RIMBP2: variants seen among roughly 807,000 people sequenced by gnomAD.
RIMBP2 encodes RIMS-binding protein 2.
RIMBP2 carries 48 observed loss-of-function variants against 118.6 expected under a neutral mutation model. The ratio of observed to expected loss-of-function variants is 0.40; its 90% CI spans 0.32 to 0.51. The LOEUF (loss-of-function observed/expected upper bound fraction) is 0.51, where lower values mean the gene tolerates loss of function less well. Ranked by LOEUF, RIMBP2 falls within the 20% of genes least tolerant of loss-of-function variation. RIMBP2 has a pLI of 0.41. For missense variants in RIMBP2, 1,551 were observed against 1,768.3 expected, an observed-to-expected ratio of 0.88 and a Z score of 2.20; for synonymous variants, 762 against 742.9, an observed-to-expected ratio of 1.03 and a Z score of -0.42.
chr12:130,502,500 C>T (rs1256401322), intron 4 of RIMBP2, among the ~76,000 whole-genome samples: 2 of 151,998 alleles, frequency 1.3e-5, no homozygotes, highest in African/African-American at 4.8e-5. Flanking sequence ...CATCCCAGGC[C>T]CTCTGCACTC....
chr12:130,487,356 C>T (rs748355591), intron 4 of RIMBP2, among the ~76,000 whole-genome samples: 1 of 152,168 alleles, frequency 6.6e-6, no homozygotes, highest in Non-Finnish European at 1.5e-5. Context: ...GCTTGGTGCC[C>T]TCCCCATAGC....
intron 4 of RIMBP2, among the ~76,000 whole-genome samples, chr12:130,501,412 T>A (rs971838114): frequency 6.6e-6 from 1 of 152,170 alleles, no homozygotes; most frequent in Non-Finnish European, 1.5e-5. Context: ...ACTCCCTGCA[T>A]CTGAGGTAGG....
In RIMBP2 at chr12:130,620,273, G is replaced by A. The variant is rs972035112; in HGVS notation, c.-217+8049C>T. Among the ~76,000 whole-genome samples the A allele has an allele frequency of 2.0e-5, 3 of 152,124 alleles. No individual in the cohort carries two copies. Among genetic ancestry groups the A allele is most frequent in the Non-Finnish European group, 2.9e-5 (2 of 68,014 alleles). On this transcript the variant is annotated intron_variant, in intron 2 of 22. Transcript: ENST00000690449. This position sits in a 1 kb window ranked among gnomAD's most constrained non-coding sequence, Gnocchi z 5.3. ...CAGAGGGACCCAAGGACAAAAAAAA[G>A]AACCAGCAGCCAGAGCATGTCTCCC...
At chr12:130,423,382 C>T (rs781023449) in intron 16 of RIMBP2, among the ~76,000 whole-genome samples, 19 of 152,324 alleles carry the variant, frequency 1.2e-4, no homozygotes, top group East Asian at 3.9e-4. Context: ...GTGGGCCCAT[C>T]GCAAGCACAC....
chr12:130,434,297 C>T lies in RIMBP2; in HGVS notation c.2253+437G>A, dbSNP rs140757836. ...GTCTTCCTCATGAGCCCAGCTCTGC[C>T]GTTTTGCTGTTCTGAAGGACGAACA... On this transcript the variant is annotated intron_variant, in intron 14 of 22. Coordinates refer to ENST00000690449, the MANE Select transcript of RIMBP2 (RefSeq NM_001393629.1). The surrounding 1 kb of genome is among the most constrained non-coding windows in gnomAD (Gnocchi z 5.7). Among the ~76,000 whole-genome samples the T allele has an allele frequency of 6.6e-6, 1 of 152,290 alleles. No homozygotes were observed. Among genetic ancestry groups the T allele is most frequent in the African/African-American group, 2.4e-5 (1 of 41,554 alleles).
intron 2 of RIMBP2, among the ~76,000 whole-genome samples, chr12:130,544,059 C>G (rs2054863086): frequency 6.6e-6 from 1 of 152,218 alleles, no homozygotes; most frequent in East Asian, 1.9e-4. Flanking sequence ...GAGAATCTTA[C>G]ATAGCCTGGA....
Position 130,440,229 on chromosome 12 carries a change from T to C in RIMBP2, c.1504+1619A>G, listed in dbSNP as rs541445151. Among the ~76,000 whole-genome samples, 6 of 146,586 alleles carry C rather than the reference T, an allele frequency of 4.1e-5. No individual in the cohort carries two copies. The East Asian group carries it at 1.2e-3, about 30-fold the overall frequency. ...GTACCTGCACCACCGTCCCCGGGCA[T>C]GGCTAACCCTGGCCGTACCTGCACC... is the stretch of plus-strand genomic sequence containing the variant. On this transcript the variant is annotated intron_variant, in intron 11 of 22. Coordinates refer to ENST00000690449, the MANE Select transcript of RIMBP2 (RefSeq NM_001393629.1).
intron 1 of RIMBP2, among the ~76,000 whole-genome samples, chr12:130,644,053 G>T (rs957393234): frequency 1.3e-5 from 2 of 152,226 alleles, no homozygotes; most frequent in Non-Finnish European, 2.9e-5. Flanking sequence ...CTGGAGCCCA[G>T]GCAGCCACCC....
intron 1 of RIMBP2, among the ~76,000 whole-genome samples, chr12:130,656,396 T>G (rs1351686567): frequency 6.6e-6 from 1 of 152,186 alleles, no homozygotes; most frequent in African/African-American, 2.4e-5. Context: ...AGAGAAGCTT[T>G]CCCTTTCATG....
At chr12:130,415,872 A>C (rs920692249) in intron 17 of RIMBP2, among the ~76,000 whole-genome samples, 5 of 152,224 alleles carry the variant, frequency 3.3e-5, no homozygotes, top group Admixed American at 3.3e-4. Flanking sequence ...ATACAAAATC[A>C]ATGTATAAAA....
Position 130,414,310 on chromosome 12 carries a change from C to T in RIMBP2, c.3239-4G>A, listed in dbSNP as rs1156821479. 8.9e-6 allele frequency: 14 copies of T among 1,574,268 alleles called. No individual in the cohort carries two copies. The highest frequency in any genetic ancestry group is 2.7e-5 in the African/African-American group (2 of 73,974). ...AGGCGGTCTCGCCCGTAATCGTCTG[C>T]GAGCAAGTGGGGGTGAAGAACAGAG... On this transcript the variant is annotated splice_region_variant and splice_polypyrimidine_tract_variant and intron_variant, in intron 17 of 22. Transcript: ENST00000690449.
chr12:130,615,300 T>TATATATATATAC (rs1367996306), intron 2 of RIMBP2, among the ~76,000 whole-genome samples: 3 of 140,844 alleles, frequency 2.1e-5, no homozygotes, highest in Non-Finnish European at 3.1e-5. Context: ...TATATATGTG[T>TATATATATATAC]ACACACAAAC....
rs2076657484 is a variant in RIMBP2, at chr12:130,424,665, G to A, written c.2606C>T (p.Pro869Leu). 8.1e-7 allele frequency: 1 copy of A among 1,231,912 alleles called. No homozygotes were observed. Among genetic ancestry groups the A allele is most frequent in the Non-Finnish European group, 1.0e-6 (1 of 987,870 alleles). 76.3% of individuals were successfully genotyped at this position (1,231,912 alleles called of 1,614,324 possible). The change falls in exon 16 of 23, where the codon CCC becomes CTC. Residue 869 changes from proline to leucine, a missense_variant. Physicochemically the swap from Pro to Leu is moderately conservative, Grantham distance 98. Transcript: ENST00000690449. This position sits in a 1 kb window ranked among gnomAD's most constrained non-coding sequence, Gnocchi z 9.8. ...CTCGTCGCCCCTGTAGGGCCTGCCG[G>A]GCCTGGGCTCTCTGGCCAGCCCCGT... is the stretch of plus-strand genomic sequence containing the variant. The part of the protein sequence containing the change: ...ARTGLAREPR[P>L]GRPYRGDEAP...
chr12:130,417,064 TGAC>T (rs568956480), intron 17 of RIMBP2, among the ~76,000 whole-genome samples: 5 of 152,284 alleles, frequency 3.3e-5, no homozygotes, highest in Middle Eastern at 3.4e-3. Flanking sequence ...CCAGTCAGAA[TGAC>T]GATTAAAAAG....
In RIMBP2 at chr12:130,576,303, T is replaced by C. The variant is rs1393956533; in HGVS notation, c.-217+52019A>G. Reference sequence around the variant, plus strand: ...ACAGGAACGGAGAGTTTCATGACCATAGACATGGGCATTTGCTTCCAAGAG... The same window carrying C: ...ACAGGAACGGAGAGTTTCATGACCACAGACATGGGCATTTGCTTCCAAGAG... On this transcript the variant is annotated intron_variant, in intron 2 of 22. Coordinates refer to ENST00000690449, the MANE Select transcript of RIMBP2 (RefSeq NM_001393629.1). This position sits in a 1 kb window ranked among gnomAD's most constrained non-coding sequence, Gnocchi z 4.2. Among the ~76,000 whole-genome samples, 2 of 152,086 alleles carry C rather than the reference T, an allele frequency of 1.3e-5. No individual in the cohort carries two copies. Among genetic ancestry groups the C allele is most frequent in the African/African-American group, 2.4e-5 (1 of 41,430 alleles).
intron 1 of RIMBP2, among the ~76,000 whole-genome samples, chr12:130,664,415 A>ACGCACGCACACACGCACACACG (rs1195044326): frequency 1.5e-5 from 2 of 130,496 alleles, no homozygotes; most frequent in Non-Finnish European, 3.4e-5. Flanking sequence ...ACGCACGCAC[A>ACGCACGCACACACGCACACACG]CACACGCACA....
Position 130,683,749 on chromosome 12 carries a change from A to T in RIMBP2, c.-352+32473T>A, listed in dbSNP as rs986600285. On this transcript the variant is annotated intron_variant, in intron 1 of 22. Transcript: ENST00000690449. This position sits in a 1 kb window ranked among gnomAD's most constrained non-coding sequence, Gnocchi z 4.4. Reference sequence around the variant, plus strand: ...AGCACTACGACAATTTACAAACGCCATGGCAATGTCAGGAAGTTACCCTAT... The same window carrying T: ...AGCACTACGACAATTTACAAACGCCTTGGCAATGTCAGGAAGTTACCCTAT... Among the ~76,000 whole-genome samples, 1 of 152,212 alleles carries T rather than the reference A, an allele frequency of 6.6e-6. No homozygotes were observed. The highest frequency in any genetic ancestry group is 1.5e-5 in the Non-Finnish European group (1 of 68,026).
At chr12:130,542,354 G>A (rs1312988500) in intron 2 of RIMBP2, among the ~76,000 whole-genome samples, 2 of 152,072 alleles carry the variant, frequency 1.3e-5, no homozygotes, top group Non-Finnish European at 2.9e-5. Context: ...TTTTCCATAG[G>A]ACATCAAATC....
chr12:130,429,193 G>C (rs1361714634), intron 14 of RIMBP2: 4 of 152,318 alleles, frequency 2.6e-5, no homozygotes, highest in Non-Finnish European at 5.9e-5. Context: ...GGCCTGGCAG[G>C]AGGTGGAGCC....
Sources: gnomAD v4.1 joint callset for allele counts (sites outside exome capture counted in the v4.1 genomes callset) on GRCh38, gnomAD v4.1.1 for gene constraint, Gnocchi (gnomAD v3.1) non-coding constraint, MANE v1.5 for transcripts, NCBI Gene and HGNC (gene_info 2026-07-23, HGNC 2026-07-21) for gene names.